The following TOR1AIP2 variants were observed in gnomAD, a reference collection of about 807,000 sequenced individuals.
TOR1AIP2 encodes the protein torsin 1A interacting protein 2, also known as torsin-1A-interacting protein 2.
In TOR1AIP2, 20 loss-of-function variants were observed where a neutral mutation model predicts 32.6. The ratio of observed to expected loss-of-function variants is 0.61; its 90% CI spans 0.43 to 0.89. TOR1AIP2 has a LOEUF of 0.89. Among genes scored for constraint, TOR1AIP2 ranks in the 40% least tolerant of loss-of-function variants. TOR1AIP2 has a pLI of 0.00. For missense variants in TOR1AIP2, 456 were observed against 553.8 expected (o/e 0.82, Z 1.77); for synonymous variants, 214 against 210.8 (o/e 1.02, Z -0.13).
rs1306819911 is a variant in TOR1AIP2, at chr1:179,843,977, G to A, written c.*2094C>T. On this transcript the variant is annotated 3_prime_UTR_variant, in exon 7 of 7. Coordinates refer to ENST00000609928, the MANE Select transcript of TOR1AIP2 (RefSeq NM_001199260.2). Reference sequence around the variant, plus strand: ...ATTTATTTTTCTAAATTATTTTGAAGAGAAATGATGAAAAACCATATTCAA... The same window carrying A: ...ATTTATTTTTCTAAATTATTTTGAAAAGAAATGATGAAAAACCATATTCAA... The A allele has an allele frequency of 1.3e-5, 2 of 152,108 alleles. No individual in the cohort carries two copies. The highest frequency in any genetic ancestry group is 2.4e-5 in the African/African-American group (1 of 41,418). The allele number at this position is 152,108 out of a possible 1,614,324, so 9.4% of individuals were successfully genotyped here. A position where few individuals can be genotyped will look rare whatever the true frequency, so the allele number is the denominator to read the frequency against.
intron 2 of TOR1AIP2, among the ~76,000 whole-genome samples, chr1:179,876,905 T>C (rs928143139): frequency 4.6e-5 from 7 of 151,998 alleles, no homozygotes; most frequent in Non-Finnish European, 7.4e-5. Context: ...TTAAATACAA[T>C]TGGGAGAATG....
intron 2 of TOR1AIP2, among the ~76,000 whole-genome samples, chr1:179,870,080 C>A (rs1047309515): frequency 6.6e-6 from 1 of 150,546 alleles, no homozygotes; most frequent in Non-Finnish European, 1.5e-5. Context: ...TCCAGGAGTC[C>A]TGAATCCTCT....
At chr1:179,849,053 G>A (rs770208288) in intron 5 of TOR1AIP2, among the ~76,000 whole-genome samples, 5 of 152,124 alleles carry the variant, frequency 3.3e-5, no homozygotes, top group African/African-American at 4.8e-5. Flanking sequence ...GGAGAATGGC[G>A]TGAATCCGGG....
intron 3 of TOR1AIP2, among the ~76,000 whole-genome samples, chr1:179,854,874 C>A (rs1490935884): frequency 6.7e-6 from 1 of 149,970 alleles, no homozygotes; most frequent in Non-Finnish European, 1.5e-5. Context: ...CTGTCAAAAA[C>A]AAACAAACAA....
At chr1:179,869,462 C>T (rs1342668307) in intron 2 of TOR1AIP2, among the ~76,000 whole-genome samples, 1 of 152,168 alleles carries the variant, frequency 6.6e-6, no homozygotes, top group Non-Finnish European at 1.5e-5. Flanking sequence ...ATCCTAATAG[C>T]TTACAGCATC....
intron 3 of TOR1AIP2, among the ~76,000 whole-genome samples, chr1:179,856,759 G>A (rs1381847910): frequency 6.6e-6 from 1 of 152,188 alleles, no homozygotes; most frequent in African/African-American, 2.4e-5. Context: ...GACTACAGCT[G>A]CGCACCACCG....
chr1:179,872,291 C>A (rs1248633156), intron 2 of TOR1AIP2, among the ~76,000 whole-genome samples: 1 of 152,208 alleles, frequency 6.6e-6, no homozygotes, highest in Admixed American at 6.5e-5. Context: ...ATTCTGTCTA[C>A]AATTTCACTT....
At chr1:179,862,637 A>T (rs1696588556) in intron 3 of TOR1AIP2, 3 of 985,306 alleles carry the variant, frequency 3.0e-6, no homozygotes, top group Admixed American at 6.2e-5. Flanking sequence ...TTCCTTGCTA[A>T]AAGAGCCCTG....
chr1:179,869,442 T>C (rs1696928138), intron 2 of TOR1AIP2, among the ~76,000 whole-genome samples: 4 of 152,234 alleles, frequency 2.6e-5, no homozygotes, highest in South Asian at 2.1e-4. Flanking sequence ...GAATACCCAC[T>C]GTATCATAAA....
chr1:179,865,424 T>C lies in TOR1AIP2; in HGVS notation c.-147+12A>G. ...GGGACCGATCCAGTTTATAATGTTATCAGTCACTTACTAGCAGTACAGATC... is the reference window on the plus strand; with the variant it reads ...GGGACCGATCCAGTTTATAATGTTACCAGTCACTTACTAGCAGTACAGATC... On this transcript the variant is annotated intron_variant, in intron 3 of 6. Coordinates refer to ENST00000609928, the MANE Select transcript of TOR1AIP2 (RefSeq NM_001199260.2). 4.0e-6 allele frequency: 2 copies of C among 506,264 alleles called. No individual in the cohort carries two copies. The highest frequency in any genetic ancestry group is 7.0e-6 in the Non-Finnish European group (2 of 287,690). The allele number at this position is 506,264 out of a possible 1,614,324, so 31.4% of individuals were successfully genotyped here. A position where few individuals can be genotyped will look rare whatever the true frequency, so the allele number is the denominator to read the frequency against.
Position 179,844,525 on chromosome 1 carries a change from T to C in TOR1AIP2, c.*1546A>G, listed in dbSNP as rs1464488615. 1 of 152,202 alleles carries C rather than the reference T, an allele frequency of 6.6e-6. No individual in the cohort carries two copies. The highest frequency in any genetic ancestry group is 1.5e-5 in the Non-Finnish European group (1 of 68,040). 9.4% of individuals were successfully genotyped at this position (152,202 alleles called of 1,614,324 possible). ...TCTATATAATGGAACAGACCCTTTG[T>C]TAGGTCGAGATCATTTTACTAGAGT... On this transcript the variant is annotated 3_prime_UTR_variant, in exon 7 of 7. Transcript: ENST00000609928.
chr1:179,852,493 G>T, intron 4 of TOR1AIP2, 139 bp downstream of exon 4: 1 of 788,972 alleles, frequency 1.3e-6, no homozygotes, highest in Non-Finnish European at 2.1e-6. Flanking sequence ...GAAAGAATAA[G>T]TATAATCAAA....
At chr1:179,852,332 T>C (rs1055355230) in intron 4 of TOR1AIP2, among the ~76,000 whole-genome samples, 1 of 151,878 alleles carries the variant, frequency 6.6e-6, no homozygotes, top group African/African-American at 2.4e-5. Flanking sequence ...TCACAGGATA[T>C]ATATAACTCT....
Position 179,850,503 on chromosome 1 carries a change from C to T in TOR1AIP2, c.553+342G>A, listed in dbSNP as rs575047900. Among the ~76,000 whole-genome samples the T allele has an allele frequency of 1.6e-4, 25 of 152,222 alleles. No individual in the cohort carries two copies. In the South Asian group the frequency reaches 4.6e-3, roughly 28 times the overall value. ...GTAAAAGATTTTAAAAATTGTAAGT[C>T]GAAATATTCTCATAAGAAATAAAAA... On this transcript the variant is annotated intron_variant, in intron 5 of 6. Transcript: ENST00000609928.
Position 179,845,753 on chromosome 1 carries a change from A to C in TOR1AIP2, c.*318T>G, listed in dbSNP as rs77526183. 5,302 of 213,040 alleles carry C rather than the reference A, an allele frequency of 0.025. 289 individuals carry two copies. The highest frequency in any genetic ancestry group is 0.11 in the African/African-American group (4,951 of 43,452). The allele number at this position is 213,040 out of a possible 1,614,324, so 13.2% of individuals were successfully genotyped here. On this transcript the variant is annotated 3_prime_UTR_variant, in exon 7 of 7. Transcript: ENST00000609928. ...AAAAAAATCACTCTGTAGTTACTCT[A>C]AGAAGTAAGAGTATCTTCCTGTGCA...
Position 179,846,192 on chromosome 1 carries a change from G to A in TOR1AIP2, c.1292C>T (p.Thr431Ile), listed in dbSNP as rs1271389223. Residue 431 changes from threonine to isoleucine, a missense_variant, in exon 7 of 7, where the codon ACT becomes ATT. Thr to Ile is a moderately conservative substitution (Grantham distance 89, BLOSUM62 -1). Transcript: ENST00000609928. ...GTCCATGTGGTTGAAGGAGGTGGGA[G>A]TGTCAGAGTTGGTAAACTTGGCCCA... Reference protein sequence around the residue: ...LLWAKFTNSDTPTSFNHMDSD... With the variant: ...LLWAKFTNSDIPTSFNHMDSD... The A allele has an allele frequency of 3.1e-6, 5 of 1,614,226 alleles. No homozygotes were observed. The highest frequency in any genetic ancestry group is 4.2e-6 in the Non-Finnish European group (5 of 1,180,048).
intron 5 of TOR1AIP2, 120 bp downstream of exon 5, chr1:179,850,725 A>T: frequency 8.0e-7 from 1 of 1,254,810 alleles, no homozygotes; most frequent in Non-Finnish European, 1.1e-6. Flanking sequence ...GCAAGGCCCA[A>T]AGGCCTTACT....
At chr1:179,869,891 CACTT>C (rs1193529940) in intron 2 of TOR1AIP2, among the ~76,000 whole-genome samples, 4 of 152,210 alleles carry the variant, frequency 2.6e-5, no homozygotes, top group Non-Finnish European at 4.4e-5. Context: ...CAGATAATAA[CACTT>C]AGTAGCTAAC....
chr1:179,868,272 A>C (rs1696867127), intron 2 of TOR1AIP2: 1 of 152,118 alleles, frequency 6.6e-6, no homozygotes, highest in Non-Finnish European at 1.5e-5. Context: ...TATTTTTTTC[A>C]CATAAAACAG....
Sources: allele counts gnomAD v4.1 joint callset (sites outside exome capture counted in the v4.1 genomes callset), GRCh38; gene constraint gnomAD v4.1.1; transcripts MANE v1.5; gene names NCBI Gene and HGNC (gene_info 2026-07-23, HGNC 2026-07-21).